Variants in MAX observed in about 807,000 individuals in gnomAD.
MAX encodes MYC associated transcriptional regulator X, also known as protein max.
A neutral mutation model predicts 22.3 loss-of-function variants in MAX; 3 were observed. The observed-to-expected ratio is 0.13, with a 90% CI of 0.06 to 0.35. The LOEUF (loss-of-function observed/expected upper bound fraction) is 0.35. Ranked by LOEUF, MAX falls within the 10% of genes least tolerant of loss-of-function variation. The pLI, the probability that MAX is intolerant of heterozygous loss-of-function variation, is 1.00. For synonymous variants in MAX, 72 were observed against 77.7 expected, an observed-to-expected ratio of 0.93 and a Z score of 0.39; for missense variants, 119 against 209.4, an observed-to-expected ratio of 0.57 and a Z score of 2.66.
intron 1 of MAX, 117 bp downstream of exon 1, chr14:65,102,187 G>A (rs998700385): frequency 6.5e-5 from 101 of 1,545,438 alleles, no homozygotes; most frequent in Non-Finnish European, 8.4e-5. Flanking sequence ...TGGCCCCGAG[G>A]GGAAGGGGAA....
rs1219797337 is a variant in MAX at position 65,062,817 on chromosome 14, T to A, written c.171+30891A>T. ...CATCCTCACATGCCGTCTCCTCCAG[T>A]AGAGGAAGCCGTGGGCCTAACAGAG... On this transcript the variant is annotated intron_variant, in intron 3 of 3. Transcript: ENST00000341653. The surrounding 1 kb of genome is among the most constrained non-coding windows in gnomAD (Gnocchi z 4.3). Among the ~76,000 whole-genome samples the A allele has an allele frequency of 2.0e-5, 3 of 152,146 alleles. No homozygotes were observed. Among genetic ancestry groups the A allele is most frequent in the African/African-American group, 7.2e-5 (3 of 41,442 alleles).
chr14:65,052,896 G>A (rs2062646264), intron 3 of MAX, among the ~76,000 whole-genome samples: 3 of 152,302 alleles, frequency 2.0e-5, no homozygotes, highest in South Asian at 4.2e-4. Context: ...GGACCAAGTT[G>A]GGAGCAGCTA....
In MAX at chr14:65,030,507, G is replaced by A. The variant is rs2062059845; in HGVS notation, c.172-24223C>T. ...TAATCTCAACACTTTGAGAGACTGA[G>A]ATGAGAGAATCACTTGAGGCCAGGA... On this transcript the variant is annotated intron_variant, in intron 3 of 3. Transcript: ENST00000341653. This position sits in a 1 kb window ranked among gnomAD's most constrained non-coding sequence, Gnocchi z 4.5. 6.6e-6 allele frequency among the ~76,000 whole-genome samples: 1 copy of A among 152,216 alleles called. No individual in the cohort carries two copies. Among genetic ancestry groups the A allele is most frequent in the African/African-American group, 2.4e-5 (1 of 41,450 alleles).
chr14:65,013,632 C>T (rs931117311), intron 3 of MAX, among the ~76,000 whole-genome samples: 1 of 152,220 alleles, frequency 6.6e-6, no homozygotes, highest in Non-Finnish European at 1.5e-5. Flanking sequence ...TCACTGCAAC[C>T]TCCGCCTCAG....
At position 65,044,607 on chromosome 14, in the gene MAX, G is replaced by A; in HGVS notation, c.172-38323C>T. 1 of 1,036,652 alleles carries A rather than the reference G, an allele frequency of 9.6e-7. No individual in the cohort carries two copies. The highest frequency in any genetic ancestry group is 1.3e-6 in the Non-Finnish European group (1 of 755,114). 64.2% of individuals were successfully genotyped at this position (1,036,652 alleles called of 1,614,324 possible). ...TCATGCCGTGGGGCATGCGAATGCA[G>A]AGTAAGATTTAGTTTCATTGGTTTA... On this transcript the variant is annotated intron_variant, in intron 3 of 3. Coordinates refer to the MAX transcript ENST00000341653. This position sits in a 1 kb window ranked among gnomAD's most constrained non-coding sequence, Gnocchi z 5.5.
chr14:65,022,427 G>A (rs1285679478), intron 3 of MAX, among the ~76,000 whole-genome samples: 1 of 151,898 alleles, frequency 6.6e-6, no homozygotes, highest in Non-Finnish European at 1.5e-5. Context: ...CTACAAATTA[G>A]TCTCAGTTTT....
Position 65,084,024 on chromosome 14 carries a change from G to A in MAX, c.172-5988C>T. ...AGGTTGTAAGGCCAGAGTCAGCACA[G>A]ACCCATGGCTCCTTGAAGGCTTCCT... is the stretch of plus-strand genomic sequence containing the variant. On this transcript the variant is annotated intron_variant, in intron 3 of 4. Transcript: ENST00000358664. The surrounding 1 kb of genome is among the most constrained non-coding windows in gnomAD (Gnocchi z 4.3). The A allele has an allele frequency of 6.4e-7, 1 of 1,573,912 alleles. No individual in the cohort carries two copies. Among genetic ancestry groups the A allele is most frequent in the Non-Finnish European group, 8.6e-7 (1 of 1,158,314 alleles).
At position 65,084,740 on chromosome 14, in the gene MAX, A is replaced by G. The variant is rs2063283243; in HGVS notation, c.172-6704T>C. Among the ~76,000 whole-genome samples, 1 of 152,250 alleles carries G rather than the reference A, an allele frequency of 6.6e-6. No homozygotes were observed. The highest frequency in any genetic ancestry group is 1.5e-5 in the Non-Finnish European group (1 of 68,050). On this transcript the variant is annotated intron_variant, in intron 3 of 4. Transcript: ENST00000358664. The surrounding 1 kb of genome is among the most constrained non-coding windows in gnomAD (Gnocchi z 4.3). ...ACACTGTATGACCTAGCGAAAAAAT[A>G]TATTATGTAAAAGCAGCAAGCTATA...
Position 65,077,016 on chromosome 14 carries a change from T to A in MAX, c.296-353A>T. 5 of 541,352 alleles carry A rather than the reference T, an allele frequency of 9.2e-6. No homozygotes were observed. Among genetic ancestry groups the A allele is most frequent in the Non-Finnish European group, 1.7e-5 (5 of 302,594 alleles). The allele number at this position is 541,352 out of a possible 1,614,324, so 33.5% of individuals were successfully genotyped here. On this transcript the variant is annotated intron_variant, in intron 4 of 4. Transcript: ENST00000358664. This position sits in a 1 kb window ranked among gnomAD's most constrained non-coding sequence, Gnocchi z 6.3. ...CAGAGGAGAAGCTGGCCCAGGAGCA[T>A]GAGGCTCCACAAGGTGTGAGGCCAC...
chr14:65,060,632 C>A (rs2062841710), intron 3 of MAX, among the ~76,000 whole-genome samples: 1 of 98,646 alleles, frequency 1.0e-5, no homozygotes, highest in Non-Finnish European at 1.7e-5. Context: ...GGAGGCGGAG[C>A]TTGCAGTGAG....
rs572250687 is a variant in MAX at position 65,018,634 on chromosome 14, A to G, written c.172-12350T>C. On this transcript the variant is annotated intron_variant, in intron 3 of 3. Coordinates refer to the MAX transcript ENST00000341653. ...AGACCAGCCTGGCCAACATGGGGAA[A>G]TCTTGTCTCTACTAAAAATATAAAA... is the stretch of plus-strand genomic sequence containing the variant. Among the ~76,000 whole-genome samples, 16 of 151,986 alleles carry G rather than the reference A, an allele frequency of 1.1e-4. No homozygotes were observed. The East Asian group carries it at 2.9e-3, about 28-fold the overall frequency.
chr14:65,042,422 C>T (rs562040614), intron 3 of MAX, among the ~76,000 whole-genome samples: 17 of 152,154 alleles, frequency 1.1e-4, no homozygotes, highest in African/African-American at 3.9e-4. Flanking sequence ...GAGCGTGCAA[C>T]CTAGAAGCCT....
At chr14:65,100,816 T>A (rs1161238956) in intron 2 of MAX, among the ~76,000 whole-genome samples, 1 of 152,228 alleles carries the variant, frequency 6.6e-6, no homozygotes, top group Non-Finnish European at 1.5e-5. Flanking sequence ...TTAGTGCTTA[T>A]CTAAATCCAC....
rs886050633 is a variant in MAX at position 65,075,973 on chromosome 14, A to C, written c.*503T>G. The C allele has an allele frequency of 1.0e-4, 108 of 1,074,746 alleles. No homozygotes were observed. The highest frequency in any genetic ancestry group is 2.0e-4 in the Admixed American group (4 of 20,390). 66.6% of individuals were successfully genotyped at this position (1,074,746 alleles called of 1,614,324 possible). ...TTTTTAGAAAAAGGAAAAAAAAAAA[A>C]CCCTTAAAAAGGAGGAGGGTTCATT... On this transcript the variant is annotated 3_prime_UTR_variant, in exon 5 of 5. Coordinates refer to ENST00000358664, the MANE Select transcript of MAX (RefSeq NM_002382.5). The surrounding 1 kb of genome is among the most constrained non-coding windows in gnomAD (Gnocchi z 4.1).
intron 3 of MAX, among the ~76,000 whole-genome samples, chr14:65,065,357 C>G (rs1047466298): frequency 1.3e-5 from 2 of 152,182 alleles, no homozygotes; most frequent in African/African-American, 2.4e-5. Context: ...CTATTACCTG[C>G]AACTGAAAGC....
rs942642348 is a variant in MAX at position 65,007,453 on chromosome 14, G to T, written c.172-1169C>A. 6.6e-6 allele frequency among the ~76,000 whole-genome samples: 1 copy of T among 152,216 alleles called. No individual in the cohort carries two copies. Among genetic ancestry groups the T allele is most frequent in the African/African-American group, 2.4e-5 (1 of 41,456 alleles). On this transcript the variant is annotated intron_variant, in intron 3 of 3. Transcript: ENST00000341653. The surrounding 1 kb of genome is among the most constrained non-coding windows in gnomAD (Gnocchi z 4.9). ...ACCACGCACAGGTCCAGGGATGCCT[G>T]TGATGATGCTGAAGTAGGCATTTGC...
chr14:65,070,415 G>A (rs890802314), downstream of MAX, among the ~76,000 whole-genome samples: 13 of 152,172 alleles, frequency 8.5e-5, no homozygotes, highest in African/African-American at 2.7e-4. The surrounding 1 kb of genome is among the most constrained non-coding windows in gnomAD (Gnocchi z 4.4). Context: ...ATTTTGCCCA[G>A]AGCAGGCTGT....
chr14:65,017,296 C>A (rs2061793993), intron 3 of MAX, among the ~76,000 whole-genome samples: 1 of 152,072 alleles, frequency 6.6e-6, no homozygotes, highest in Non-Finnish European at 1.5e-5. Context: ...CCTACACAAT[C>A]AGGATATTTG....
chr14:65,013,155 A>G (rs948606381), intron 3 of MAX, among the ~76,000 whole-genome samples: 1 of 152,154 alleles, frequency 6.6e-6, no homozygotes. Flanking sequence ...TATTTGTGGC[A>G]ATGATTTGCC....
Sources: gnomAD v4.1 joint callset for allele counts (sites outside exome capture counted in the v4.1 genomes callset) on GRCh38, gnomAD v4.1.1 for gene constraint, Gnocchi (gnomAD v3.1) non-coding constraint, MANE v1.5 for transcripts, NCBI Gene and HGNC (gene_info 2026-07-23, HGNC 2026-07-21) for gene names.